The following ARHGEF38 variants were observed in gnomAD, a reference collection of about 807,000 sequenced individuals.
The protein encoded by ARHGEF38 is Rho guanine nucleotide exchange factor (GEF) 38.
In ARHGEF38, 79 loss-of-function variants were observed where a neutral mutation model predicts 79.9. The observed-to-expected ratio is 0.99, with a 90% CI of 0.82 to 1.19. The LOEUF (loss-of-function observed/expected upper bound fraction) is 1.19, where lower values mean the gene tolerates loss of function less well. ARHGEF38 is among the 50% of genes most tolerant of loss of function. The probability of loss-of-function intolerance (pLI) is 0.00; values close to 1 mark genes in which losing one functional copy is unlikely to be tolerated. For synonymous variants in ARHGEF38, 366 were observed against 328.3 expected (o/e 1.11, Z -1.24); for missense variants, 962 against 907.2 (o/e 1.06, Z -0.78).
At position 105,630,912 on chromosome 4, in the gene ARHGEF38, CAGATTAA is replaced by C; in HGVS notation, c.526_532del (p.Ile176GlyfsTer30). 6.2e-7 allele frequency: 1 copy of C among 1,609,118 alleles called. No homozygotes were observed. Among genetic ancestry groups the C allele is most frequent in the South Asian group, 1.1e-5 (1 of 89,780 alleles). ...GCATTTATCAGGAGAAGTATTCTTG[CAGATTAA>C]AGGGCCACTGGAAGATATTTATAAA... On this transcript the variant is annotated frameshift_variant, in exon 4 of 14. Transcript: ENST00000420470. LOFTEE classifies it high-confidence loss of function.
intron 9 of ARHGEF38, among the ~76,000 whole-genome samples, 196 bp from the exon 10 acceptor site, chr4:105,658,858 C>T (rs564396723): frequency 6.6e-6 from 1 of 152,294 alleles, no homozygotes; most frequent in South Asian, 2.1e-4. Flanking sequence ...ATGTTACAAC[C>T]TAGAGCTCCT....
intron 10 of ARHGEF38, among the ~76,000 whole-genome samples, chr4:105,663,068 C>T (rs751522807): frequency 3.2e-4 from 49 of 152,074 alleles, no homozygotes; most frequent in South Asian, 2.1e-4. Context: ...GATTCATATG[C>T]AGTGGTAAGA....
intron 3 of ARHGEF38, among the ~76,000 whole-genome samples, chr4:105,614,098 T>C (rs1728417544): frequency 6.6e-6 from 1 of 152,168 alleles, no homozygotes; most frequent in East Asian, 1.9e-4. Context: ...CAACAGAAAA[T>C]ATAATTTGAA....
At position 105,664,287 on chromosome 4, in the gene ARHGEF38, C is replaced by T. The variant is rs184966178; in HGVS notation, c.1546-1890C>T. Among the ~76,000 whole-genome samples, 159 of 152,300 alleles carry T rather than the reference C, an allele frequency of 1.0e-3. 1 individual carries two copies. The highest frequency in any genetic ancestry group is 3.1e-4 in the Non-Finnish European group (21 of 68,030). On this transcript the variant is annotated intron_variant, in intron 10 of 13. Transcript: ENST00000420470. ...TCAAGTAGTTATTCAGGTTTGATGACGAAAAACATTTGTCCTTCGCTCCCT... is the reference window on the plus strand; with the variant it reads ...TCAAGTAGTTATTCAGGTTTGATGATGAAAAACATTTGTCCTTCGCTCCCT...
Position 105,572,265 on chromosome 4 carries a change from CT to C in ARHGEF38, c.197-16982del, listed in dbSNP as rs1462015180. Among the ~76,000 whole-genome samples the C allele has an allele frequency of 3.9e-5, 6 of 152,062 alleles. No homozygotes were observed. The East Asian group carries it at 1.2e-3, about 29-fold the overall frequency. On this transcript the variant is annotated intron_variant, in intron 1 of 13. Coordinates refer to ENST00000420470, the MANE Select transcript of ARHGEF38 (RefSeq NM_001242729.2). ...TCTTTTTTTTCCAATGACTATATAA[CT>C]GTTAAAATTTTGGAAAAATATTTTA...
chr4:105,652,110 AGTGTCCAACTTGAAATAGAG>A (rs1730128499), intron 7 of ARHGEF38, among the ~76,000 whole-genome samples: 1 of 152,218 alleles, frequency 6.6e-6, no homozygotes, highest in Non-Finnish European at 1.5e-5. Flanking sequence ...AGGGCAGCCA[AGTGTCCAACTTGAAATAGAG>A]GTGTGGATTC....
rs1298126161 is a variant in ARHGEF38, at chr4:105,567,846, A to G, written c.196+14885A>G. Among the ~76,000 whole-genome samples, 4 of 152,008 alleles carry G rather than the reference A, an allele frequency of 2.6e-5. No homozygotes were observed. The East Asian group carries it at 5.8e-4, about 22-fold the overall frequency. On this transcript the variant is annotated intron_variant, in intron 1 of 13. Coordinates refer to ENST00000420470, the MANE Select transcript of ARHGEF38 (RefSeq NM_001242729.2). Reference sequence around the variant, plus strand: ...TGCACATTGTGCAAGTTAGTTACATACGTATACATGTGCCACGCTGGTGCG... The same window carrying G: ...TGCACATTGTGCAAGTTAGTTACATGCGTATACATGTGCCACGCTGGTGCG...
intron 5 of ARHGEF38, among the ~76,000 whole-genome samples, chr4:105,644,792 G>T (rs921870222): frequency 6.6e-6 from 1 of 152,080 alleles, no homozygotes; most frequent in Non-Finnish European, 1.5e-5. Context: ...TTTTTAAATG[G>T]TTATTCTCCT....
Position 105,679,748 on chromosome 4 carries a change from T to G in ARHGEF38, c.*1811T>G. On this transcript the variant is annotated 3_prime_UTR_variant, in exon 14 of 14. Coordinates refer to ENST00000420470, the MANE Select transcript of ARHGEF38 (RefSeq NM_001242729.2). ...TGTTCCACATGTCTTAGTTGACCTTTCTCTTGGTTGATAAAAACATATACA... is the reference window on the plus strand; with the variant it reads ...TGTTCCACATGTCTTAGTTGACCTTGCTCTTGGTTGATAAAAACATATACA... The G allele has an allele frequency of 2.3e-6, 2 of 875,486 alleles. No homozygotes were observed. The highest frequency in any genetic ancestry group is 3.9e-6 in the Non-Finnish European group (2 of 515,252). The allele number at this position is 875,486 out of a possible 1,614,324, so 54.2% of individuals were successfully genotyped here.
chr4:105,590,523 A>G (rs1727287031), intron 2 of ARHGEF38, among the ~76,000 whole-genome samples: 1 of 152,194 alleles, frequency 6.6e-6, no homozygotes, highest in Non-Finnish European at 1.5e-5. Flanking sequence ...TACAAATAAT[A>G]TCTTGTAACA....
chr4:105,648,733 G>T (rs1729961484), intron 7 of ARHGEF38, 51 bp downstream of exon 7: 1 of 1,456,132 alleles, frequency 6.9e-7, no homozygotes, highest in Admixed American at 2.6e-5. Context: ...CATGAATGCA[G>T]ATATTTTTGT....
At position 105,666,329 on chromosome 4, in the gene ARHGEF38, G is replaced by T; in HGVS notation, c.1689+9G>T. 6.6e-7 allele frequency: 1 copy of T among 1,514,134 alleles called. No individual in the cohort carries two copies. Among genetic ancestry groups the T allele is most frequent in the South Asian group, 1.3e-5 (1 of 78,910 alleles). The allele number at this position is 1,514,134 out of a possible 1,614,324, so 93.8% of individuals were successfully genotyped here. A position where few individuals can be genotyped will look rare whatever the true frequency, so the allele number is the denominator to read the frequency against. The stretch of plus-strand genomic sequence containing the variant: ...AACCTGTGCAGATTCTGGTGAGTTT[G>T]GCAGCATTCATGACAATGATAACTT... On this transcript the variant is annotated intron_variant, in intron 11 of 13. Coordinates refer to ENST00000420470, the MANE Select transcript of ARHGEF38 (RefSeq NM_001242729.2).
intron 10 of ARHGEF38, 40 bp downstream of exon 10, chr4:105,659,405 A>G: frequency 6.6e-7 from 1 of 1,505,102 alleles, no homozygotes; most frequent in Non-Finnish European, 8.8e-7. Flanking sequence ...ACCTTGGCCT[A>G]CTGGATCTGC....
At chr4:105,584,575 G>T (rs891506051) in intron 1 of ARHGEF38, among the ~76,000 whole-genome samples, 1 of 152,166 alleles carries the variant, frequency 6.6e-6, no homozygotes, top group Non-Finnish European at 1.5e-5. Flanking sequence ...AACCCAGGCA[G>T]TCTGGCTCCC....
chr4:105,626,769 T>C (rs887940414), intron 3 of ARHGEF38, among the ~76,000 whole-genome samples: 11 of 152,084 alleles, frequency 7.2e-5, no homozygotes, highest in Non-Finnish European at 7.3e-5. Flanking sequence ...TGCTTCACCA[T>C]CACTTTCAGG....
intron 5 of ARHGEF38, among the ~76,000 whole-genome samples, chr4:105,643,447 T>C (rs184097497): frequency 6.6e-6 from 1 of 152,200 alleles, no homozygotes; most frequent in Non-Finnish European, 1.5e-5. Flanking sequence ...AAAAAAATGT[T>C]GCCTTTGGGT....
intron 2 of ARHGEF38, among the ~76,000 whole-genome samples, chr4:105,597,490 C>G (rs1308592903): frequency 1.3e-5 from 2 of 152,130 alleles, no homozygotes; most frequent in African/African-American, 2.4e-5. Context: ...ACCCAGCTAC[C>G]CTTCCCATCT....
At chr4:105,567,058 A>G (rs1277079146) in intron 1 of ARHGEF38, among the ~76,000 whole-genome samples, 6 of 152,124 alleles carry the variant, frequency 3.9e-5, no homozygotes. Flanking sequence ...TTTACTATCT[A>G]TCTTCATGAG....
chr4:105,640,296 T>C (rs1323272021), intron 5 of ARHGEF38, among the ~76,000 whole-genome samples: 1 of 152,162 alleles, frequency 6.6e-6, no homozygotes, highest in Admixed American at 6.6e-5. Context: ...CTTATTTTTC[T>C]ATGAATTAAC....
Sources: allele counts gnomAD v4.1 joint callset (sites outside exome capture counted in the v4.1 genomes callset), GRCh38; gene constraint gnomAD v4.1.1; transcripts MANE v1.5; gene names NCBI Gene and HGNC (gene_info 2026-07-23, HGNC 2026-07-21).